SLC44A5: variants seen among roughly 807,000 people sequenced by gnomAD.
SLC44A5 encodes choline transporter-like protein 5.
Under a neutral mutation model 101.8 loss-of-function variants are expected in SLC44A5, and 57 were observed. The observed-to-expected ratio is 0.56, with a 90% CI of 0.45 to 0.70. The LOEUF is 0.70. Among genes scored for constraint, SLC44A5 ranks in the 30% least tolerant of loss-of-function variants. The pLI, the probability that SLC44A5 is intolerant of heterozygous loss-of-function variation, is 0.00. For synonymous variants in SLC44A5, 281 were observed against 290.9 expected (o/e 0.97, Z 0.35); for missense variants, 737 against 853.1 (o/e 0.86, Z 1.70).
At chr1:75,254,714 G>A (rs995467275) in intron 6 of SLC44A5, among the ~76,000 whole-genome samples, 1 of 152,048 alleles carries the variant, frequency 6.6e-6, no homozygotes, top group Admixed American at 6.6e-5. Context: ...GGGAGGGTGG[G>A]ACAGAATTTG....
At chr1:75,399,095 T>A (rs1250869444) in intron 2 of SLC44A5, among the ~76,000 whole-genome samples, 1 of 151,856 alleles carries the variant, frequency 6.6e-6, no homozygotes, top group Non-Finnish European at 1.5e-5. Flanking sequence ...TGGTAGGAGA[T>A]GGAGGTGGAG....
At chr1:75,304,293 G>GGTGT (rs71081327) in intron 4 of SLC44A5, among the ~76,000 whole-genome samples, 1,412 of 65,432 alleles carry the variant, frequency 0.022, 20 homozygotes, top group African/African-American at 0.076. Flanking sequence ...TTTTTAAATA[G>GGTGT]GTGTGTGTGT....
chr1:75,638,094 T>C, the SLC44A5 span, among the ~76,000 whole-genome samples: 3 of 152,048 alleles, frequency 2.0e-5, no homozygotes, highest in African/African-American at 7.2e-5. Flanking sequence ...ACATGGCAAT[T>C]GTTGTATTAA....
At chr1:75,367,219 A>C (rs1002495989) in intron 3 of SLC44A5, among the ~76,000 whole-genome samples, 2 of 152,158 alleles carry the variant, frequency 1.3e-5, no homozygotes, top group African/African-American at 4.8e-5. Context: ...GGATAATGGG[A>C]TTGCCTCTGG....
intron 5 of SLC44A5, among the ~76,000 whole-genome samples, chr1:75,286,948 C>T (rs1226143074): frequency 2.6e-5 from 4 of 151,972 alleles, no homozygotes; most frequent in Admixed American, 1.3e-4. Flanking sequence ...ATGAATTTCC[C>T]GGTTGTTCTT....
chr1:75,438,900 TA>T (rs1665035850), intron 2 of SLC44A5, among the ~76,000 whole-genome samples: 1 of 151,954 alleles, frequency 6.6e-6, no homozygotes, highest in African/African-American at 2.4e-5. Flanking sequence ...AGCAAAAAAA[TA>T]AAGTCAAAGT....
intron 4 of SLC44A5, among the ~76,000 whole-genome samples, chr1:75,330,207 A>T (rs1656944392): frequency 1.9e-5 from 2 of 104,090 alleles, no homozygotes; most frequent in South Asian, 6.5e-4. Context: ...ATATATATAT[A>T]TTCTAGATTA....
chr1:75,680,559 C>T, the SLC44A5 span, among the ~76,000 whole-genome samples: 1 of 151,320 alleles, frequency 6.6e-6, no homozygotes, highest in Non-Finnish European at 1.5e-5. Context: ...TTCTTTGAAA[C>T]CAACGAAAAC....
rs993967720 is a variant in SLC44A5 at position 75,581,912 on chromosome 1, G to A, written c.-70+29128C>T. Among the ~76,000 whole-genome samples, 5 of 152,210 alleles carry A rather than the reference G, an allele frequency of 3.3e-5. No individual in the cohort carries two copies. The South Asian group carries it at 1.0e-3, about 32-fold the overall frequency. On this transcript the variant is annotated intron_variant, in intron 1 of 23. Coordinates refer to ENST00000370859, the MANE Select transcript of SLC44A5 (RefSeq NM_001130058.2). The stretch of plus-strand genomic sequence containing the variant: ...GCAGTCTGAGTCCTCGCCAAAAACA[G>A]AGGCTGATGCCATGCTTCTTGTACA...
chr1:75,274,162 G>A (rs1170040151), intron 6 of SLC44A5, among the ~76,000 whole-genome samples: 7 of 151,514 alleles, frequency 4.6e-5, no homozygotes, highest in Non-Finnish European at 8.8e-5. Context: ...GGAAGTCAGG[G>A]GTGTGGTTGC....
chr1:75,470,100 C>T (rs1667025435), intron 2 of SLC44A5, among the ~76,000 whole-genome samples: 1 of 151,994 alleles, frequency 6.6e-6, no homozygotes, highest in African/African-American at 2.4e-5. Context: ...TTTGGTGTTT[C>T]TGTAAGAGCA....
rs559065782 is a variant in SLC44A5 at position 75,384,694 on chromosome 1, G to T, written c.52+11889C>A. ...ATACCCAGGAATTGAACTCAGCTCT[G>T]CACCAAGCGGACCTAATAGACATCT... On this transcript the variant is annotated intron_variant, in intron 3 of 23. Coordinates refer to ENST00000370859, the MANE Select transcript of SLC44A5 (RefSeq NM_001130058.2). 1.5e-3 allele frequency among the ~76,000 whole-genome samples: 180 copies of T among 123,116 alleles called. 1 individual carries two copies. Among genetic ancestry groups the T allele is most frequent in the African/African-American group, 5.3e-3 (169 of 31,628 alleles). 80.8% of individuals were successfully genotyped at this position (123,116 alleles called of 152,430 possible).
chr1:75,244,686 A>C (rs909640555), intron 7 of SLC44A5, among the ~76,000 whole-genome samples: 3 of 152,092 alleles, frequency 2.0e-5, no homozygotes, highest in African/African-American at 7.2e-5. Flanking sequence ...ATCAGTGCCA[A>C]GCCAGATCAC....
At chr1:75,432,040 T>C (rs1664646380) in intron 2 of SLC44A5, among the ~76,000 whole-genome samples, 1 of 152,258 alleles carries the variant, frequency 6.6e-6, no homozygotes, top group South Asian at 2.1e-4. Context: ...ATGTCAATAA[T>C]GAAAATAGGA....
the SLC44A5 span, among the ~76,000 whole-genome samples, chr1:75,629,306 T>A: frequency 6.6e-6 from 1 of 152,094 alleles, no homozygotes; most frequent in African/African-American, 2.4e-5. Flanking sequence ...AACAAGCTAA[T>A]GACATTGAAA....
chr1:75,398,412 A>G (rs1487970034), intron 2 of SLC44A5: 1 of 985,360 alleles, frequency 1.0e-6, no homozygotes, highest in Non-Finnish European at 1.2e-6. Flanking sequence ...CATGTCAGTA[A>G]TCTCAGACCC....
chr1:75,404,471 G>T (rs1318678721), intron 2 of SLC44A5, among the ~76,000 whole-genome samples: 2 of 152,172 alleles, frequency 1.3e-5, no homozygotes, highest in East Asian at 3.9e-4. Flanking sequence ...ACCCACAAAG[G>T]TAAGCCCATC....
rs1318207729 is a variant in SLC44A5, at chr1:75,311,491, T to A, written c.102-10806A>T. The stretch of plus-strand genomic sequence containing the variant: ...TTAATTTTGTCCAGAGTGGTCTCAG[T>A]TCTCTTACAACAAAGCACTACAATT... On this transcript the variant is annotated intron_variant, in intron 4 of 23. Transcript: ENST00000370859. 5.5e-6 allele frequency: 5 copies of A among 907,800 alleles called. 1 individual carries two copies. In the African/African-American group the frequency reaches 9.0e-5, roughly 16 times the overall value. The allele number at this position is 907,800 out of a possible 1,614,324, so 56.2% of individuals were successfully genotyped here.
the SLC44A5 span, among the ~76,000 whole-genome samples, chr1:75,675,188 T>A: frequency 2.7e-4 from 41 of 152,234 alleles, no homozygotes; most frequent in Non-Finnish European, 5.1e-4. Flanking sequence ...ATTAAATCTA[T>A]AAATTATTTT....
Sources: allele counts gnomAD v4.1 joint callset (sites outside exome capture counted in the v4.1 genomes callset), GRCh38; gene constraint gnomAD v4.1.1; transcripts MANE v1.5; gene names NCBI Gene and HGNC (gene_info 2026-07-23, HGNC 2026-07-21).